The following NEK11 variants were observed in gnomAD, a reference collection of about 807,000 sequenced individuals.
NEK11 encodes NIMA related kinase 11.
In NEK11, 72 loss-of-function variants were observed where a neutral mutation model predicts 80.7. That is an observed-to-expected ratio of 0.89 (90% confidence interval 0.74 to 1.08). The LOEUF is 1.08. Among genes scored for constraint, NEK11 ranks in the 50% least tolerant of loss-of-function variants. NEK11 has a pLI of 0.00. For synonymous variants in NEK11, 251 were observed against 260.7 expected, an observed-to-expected ratio of 0.96 and a Z score of 0.36; for missense variants, 764 against 763.6, an observed-to-expected ratio of 1.00 and a Z score of -0.01.
At chr3:131,094,014 A>G (rs2149185134) in intron 4 of NEK11, among the ~76,000 whole-genome samples, 1 of 148,618 alleles carries the variant, frequency 6.7e-6, no homozygotes, top group South Asian at 2.2e-4. Context: ...TCTGGAGAAA[A>G]GCTTCCCTAG....
intron 3 of NEK11, among the ~76,000 whole-genome samples, chr3:131,067,101 T>C (rs2072176827): frequency 1.3e-5 from 2 of 152,180 alleles, no homozygotes; most frequent in Admixed American, 6.6e-5. Flanking sequence ...CATGATTATC[T>C]CATATCTTGG....
At chr3:131,099,510 G>T (rs1278989146) in intron 4 of NEK11, among the ~76,000 whole-genome samples, 1 of 151,878 alleles carries the variant, frequency 6.6e-6, no homozygotes, top group Non-Finnish European at 1.5e-5. Flanking sequence ...GAAGAATGAT[G>T]CTGGTAGTTT....
chr3:131,050,620 G>A (rs937751484), intron 3 of NEK11, among the ~76,000 whole-genome samples: 2 of 152,054 alleles, frequency 1.3e-5, no homozygotes, highest in Non-Finnish European at 2.9e-5. Flanking sequence ...TAATCATATT[G>A]CATTTGCTTG....
chr3:131,034,473 C>T (rs990672886), intron 3 of NEK11, among the ~76,000 whole-genome samples: 1 of 152,056 alleles, frequency 6.6e-6, no homozygotes, highest in Non-Finnish European at 1.5e-5. Flanking sequence ...GATCTTGGCT[C>T]ACTGCAAGCT....
chr3:131,323,362 A>G (rs142978052), intron 17 of NEK11, among the ~76,000 whole-genome samples: 19 of 152,304 alleles, frequency 1.2e-4, no homozygotes, highest in Admixed American at 3.3e-4. Context: ...TTGTTTTGCA[A>G]ATTCATTTCA....
chr3:131,129,351 G>A (rs112404373), intron 5 of NEK11, among the ~76,000 whole-genome samples: 390 of 152,260 alleles, frequency 2.6e-3, no homozygotes, highest in African/African-American at 8.8e-3. Flanking sequence ...ACTGCACCCG[G>A]CCAACAGTCT....
intron 17 of NEK11, among the ~76,000 whole-genome samples, chr3:131,324,389 A>G (rs2096933247): frequency 6.6e-6 from 1 of 152,242 alleles, no homozygotes; most frequent in Non-Finnish European, 1.5e-5. Flanking sequence ...TTTCCCAGTC[A>G]TGGGAACTCA....
At chr3:131,215,340 T>TGCA (rs916984795) in intron 14 of NEK11, among the ~76,000 whole-genome samples, 8 of 151,300 alleles carry the variant, frequency 5.3e-5, no homozygotes, top group African/African-American at 1.9e-4. Flanking sequence ...AGTTAATGGG[T>TGCA]GCAGCACACC....
At chr3:131,071,970 C>T (rs2073414318) in intron 3 of NEK11, among the ~76,000 whole-genome samples, 1 of 152,090 alleles carries the variant, frequency 6.6e-6, no homozygotes, top group African/African-American at 2.4e-5. Context: ...GTTTTTATAA[C>T]CTTAAGCATT....
intron 16 of NEK11, among the ~76,000 whole-genome samples, chr3:131,260,896 G>A (rs1409432173): frequency 6.6e-6 from 1 of 152,140 alleles, no homozygotes; most frequent in Non-Finnish European, 1.5e-5. Flanking sequence ...AGTAAGCAAT[G>A]TCTCAGGTGC....
chr3:131,290,371 A>C (rs1223887284), intron 17 of NEK11, among the ~76,000 whole-genome samples: 2 of 152,250 alleles, frequency 1.3e-5, no homozygotes, highest in Non-Finnish European at 2.9e-5. Flanking sequence ...TCAGCTCGTA[A>C]GAGAAAAGAA....
At chr3:131,168,196 C>T (rs1277810470) in intron 12 of NEK11, among the ~76,000 whole-genome samples, 1 of 152,178 alleles carries the variant, frequency 6.6e-6, no homozygotes, top group Non-Finnish European at 1.5e-5. Flanking sequence ...CCACTTGGGT[C>T]CACAATCAAT....
intron 17 of NEK11, among the ~76,000 whole-genome samples, chr3:131,286,108 C>T (rs2096466936): frequency 6.6e-6 from 1 of 152,222 alleles, no homozygotes; most frequent in South Asian, 2.1e-4. Context: ...TCTGCAGGCC[C>T]TGACTTTATG....
intron 5 of NEK11, among the ~76,000 whole-genome samples, chr3:131,125,153 A>T (rs112856653): frequency 6.6e-6 from 1 of 152,188 alleles, no homozygotes; most frequent in Non-Finnish European, 1.5e-5. Flanking sequence ...TCACTATCAT[A>T]TCCAATTCTT....
chr3:131,107,799 T>C (rs979592900), intron 4 of NEK11, among the ~76,000 whole-genome samples: 1 of 152,130 alleles, frequency 6.6e-6, no homozygotes, highest in African/African-American at 2.4e-5. Context: ...AAGGGTCAAC[T>C]GTATGTTTAC....
At chr3:131,186,570 A>G (rs1182208528) in intron 14 of NEK11, among the ~76,000 whole-genome samples, 1 of 152,202 alleles carries the variant, frequency 6.6e-6, no homozygotes, top group Non-Finnish European at 1.5e-5. Flanking sequence ...ACCTGGGACA[A>G]AGTTCTTTCC....
At chr3:131,039,797 A>T (rs1178932078) in intron 3 of NEK11, among the ~76,000 whole-genome samples, 4 of 152,110 alleles carry the variant, frequency 2.6e-5, no homozygotes, top group African/African-American at 9.7e-5. Context: ...TCTTCAACTG[A>T]TTTTCCTGGG....
chr3:131,319,229 G>A (rs960444067), intron 17 of NEK11, among the ~76,000 whole-genome samples: 2 of 151,992 alleles, frequency 1.3e-5, no homozygotes, highest in African/African-American at 4.8e-5. Context: ...TTTTTCTAAT[G>A]TGACTTGTTA....
intron 15 of NEK11, among the ~76,000 whole-genome samples, chr3:131,234,913 G>A (rs2095405659): frequency 6.6e-6 from 1 of 151,780 alleles, no homozygotes; most frequent in African/African-American, 2.4e-5. Context: ...TAGTCATTAA[G>A]TCTTTAAAAT....
Sources: allele counts gnomAD v4.1 joint callset (sites outside exome capture counted in the v4.1 genomes callset), GRCh38; gene constraint gnomAD v4.1.1; transcripts MANE v1.5; gene names NCBI Gene and HGNC (gene_info 2026-07-23, HGNC 2026-07-21).